The following DGKB variants were observed in gnomAD, a reference collection of about 807,000 sequenced individuals.
The protein encoded by DGKB is 90 kDa diacylglycerol kinase.
Under a neutral mutation model 114.3 loss-of-function variants are expected in DGKB, and 67 were observed. That is an observed-to-expected ratio of 0.59 (90% CI 0.48 to 0.72). DGKB has a LOEUF of 0.72. Ranked by LOEUF, DGKB falls within the 30% of genes least tolerant of loss-of-function variation. The pLI is 0.00. For synonymous variants in DGKB, 398 were observed against 323.1 expected, an observed-to-expected ratio of 1.23 and a Z score of -2.49; for missense variants, 907 against 975.2, an observed-to-expected ratio of 0.93 and a Z score of 0.93.
chr7:14,394,299 T>C (rs1036678824), intron 21 of DGKB, among the ~76,000 whole-genome samples: 6 of 152,200 alleles, frequency 3.9e-5, no homozygotes, highest in Admixed American at 1.3e-4. Context: ...CTCTGCTTAA[T>C]TGCATCTCAT....
intron 19 of DGKB, among the ~76,000 whole-genome samples, chr7:14,579,293 AATAG>A (rs1799593392): frequency 6.6e-6 from 1 of 152,200 alleles, no homozygotes; most frequent in Non-Finnish European, 1.5e-5. Flanking sequence ...ATTCATCACT[AATAG>A]ATTCTTTGAC....
intron 1 of DGKB, among the ~76,000 whole-genome samples, chr7:14,871,744 G>C (rs61231693): frequency 6.6e-6 from 1 of 152,102 alleles, no homozygotes; most frequent in Non-Finnish European, 1.5e-5. Context: ...TAAGTGCCTA[G>C]CACTGTTTAT....
At chr7:14,313,739 A>G (rs1378694427) in intron 23 of DGKB, among the ~76,000 whole-genome samples, 34 of 152,264 alleles carry the variant, frequency 2.2e-4, no homozygotes, top group Middle Eastern at 3.4e-3. Context: ...TTGCTTAGGT[A>G]AACAAAGCAG....
intron 10 of DGKB, among the ~76,000 whole-genome samples, chr7:14,683,730 A>G (rs1011390784): frequency 6.6e-6 from 1 of 152,122 alleles, no homozygotes; most frequent in Non-Finnish European, 1.5e-5. Flanking sequence ...TCAAATTAAA[A>G]TGAAAAACAC....
At chr7:14,935,671 C>G (rs536785324) in intron 1 of DGKB, among the ~76,000 whole-genome samples, 1 of 151,960 alleles carries the variant, frequency 6.6e-6, no homozygotes, top group African/African-American at 2.4e-5. Context: ...ACTTTACAGA[C>G]GAATTACATT....
intron 4 of DGKB, among the ~76,000 whole-genome samples, chr7:14,745,978 C>G (rs1833228404): frequency 6.6e-6 from 1 of 152,182 alleles, no homozygotes; most frequent in Non-Finnish European, 1.5e-5. Context: ...TTCTCTCTGG[C>G]TCAGCAAGCA....
chr7:14,746,556 T>C (rs569125285), intron 4 of DGKB, among the ~76,000 whole-genome samples: 1 of 152,254 alleles, frequency 6.6e-6, no homozygotes, highest in Admixed American at 6.5e-5. Context: ...TGGAGTGCAA[T>C]GGCGTGATCT....
At chr7:14,812,711 C>T (rs1465671233) in intron 2 of DGKB, among the ~76,000 whole-genome samples, 1 of 152,028 alleles carries the variant, frequency 6.6e-6, no homozygotes, top group African/African-American at 2.4e-5. Flanking sequence ...ATCTTTCAAC[C>T]CTCTTCACTC....
intron 23 of DGKB, among the ~76,000 whole-genome samples, chr7:14,213,126 C>T (rs369616246): frequency 1.3e-5 from 2 of 151,970 alleles, no homozygotes; most frequent in African/African-American, 2.4e-5. Flanking sequence ...AATGGTAACA[C>T]ATTCTAAAAT....
At chr7:14,157,072 G>C (rs1451679920) in intron 25 of DGKB, among the ~76,000 whole-genome samples, 2 of 152,002 alleles carry the variant, frequency 1.3e-5, no homozygotes, top group African/African-American at 4.8e-5. Flanking sequence ...ATCTCTTTAA[G>C]AGTTTATTAT....
At chr7:14,839,845 A>G (rs1847680676) in intron 2 of DGKB, among the ~76,000 whole-genome samples, 1 of 150,790 alleles carries the variant, frequency 6.6e-6, no homozygotes, top group Non-Finnish European at 1.5e-5. Context: ...GTTTTTTAAA[A>G]TGCCTATGAA....
At position 14,642,496 on chromosome 7, in the gene DGKB, G is replaced by A. The variant is rs544363307; in HGVS notation, c.1135-12228C>T. ...CAAAGGAAACAAATACAACTACACC[G>A]ATTATTGCAATATTGTTTAGGTACT... is the stretch of plus-strand genomic sequence containing the variant. On this transcript the variant is annotated intron_variant, in intron 13 of 25. Coordinates refer to ENST00000402815, the MANE Select transcript of DGKB (RefSeq NM_001350709.2). Among the ~76,000 whole-genome samples, 19 of 152,214 alleles carry A rather than the reference G, an allele frequency of 1.2e-4. No individual in the cohort carries two copies. The South Asian group carries it at 3.1e-3, about 25-fold the overall frequency.
At chr7:14,742,826 T>C (rs1832759490) in intron 4 of DGKB, among the ~76,000 whole-genome samples, 1 of 152,208 alleles carries the variant, frequency 6.6e-6, no homozygotes, top group South Asian at 2.1e-4. Flanking sequence ...AAAATGTGTT[T>C]TCAGGAAAAG....
At chr7:14,542,029 G>A (rs1793547584) in intron 20 of DGKB, among the ~76,000 whole-genome samples, 1 of 152,072 alleles carries the variant, frequency 6.6e-6, no homozygotes, top group Admixed American at 6.6e-5. Flanking sequence ...TTTGTCAAAT[G>A]TAAATAGATT....
At chr7:14,625,941 GCACAACA>G (rs1406809000) in intron 14 of DGKB, among the ~76,000 whole-genome samples, 2 of 152,066 alleles carry the variant, frequency 1.3e-5, no homozygotes, top group African/African-American at 4.8e-5. Context: ...TCCACAAGTA[GCACAACA>G]GATCTTAACT....
chr7:14,761,132 C>T (rs1319357795), intron 2 of DGKB, among the ~76,000 whole-genome samples: 2 of 152,092 alleles, frequency 1.3e-5, no homozygotes, highest in African/African-American at 4.8e-5. Flanking sequence ...GACCTGATCT[C>T]CACTTTACAA....
chr7:14,828,264 C>A (rs1206491493), intron 2 of DGKB, among the ~76,000 whole-genome samples: 2 of 152,038 alleles, frequency 1.3e-5, no homozygotes, highest in Non-Finnish European at 2.9e-5. Flanking sequence ...CTCTGCCCGA[C>A]AACATAAATC....
intron 20 of DGKB, among the ~76,000 whole-genome samples, chr7:14,540,098 C>T (rs896425794): frequency 5.9e-5 from 9 of 151,886 alleles, no homozygotes; most frequent in African/African-American, 1.2e-4. Flanking sequence ...TGTACTTAGT[C>T]TTCCAAGGAA....
intron 25 of DGKB, among the ~76,000 whole-genome samples, chr7:14,168,252 A>G (rs1488726222): frequency 6.6e-6 from 1 of 152,248 alleles, no homozygotes; most frequent in African/African-American, 2.4e-5. Flanking sequence ...GTGAATAGAT[A>G]TCCAATGTAA....
Sources: gnomAD v4.1 joint callset for allele counts (sites outside exome capture counted in the v4.1 genomes callset) on GRCh38, gnomAD v4.1.1 for gene constraint, MANE v1.5 for transcripts, NCBI Gene and HGNC (gene_info 2026-07-23, HGNC 2026-07-21) for gene names.